TRIO: variants seen among roughly 807,000 people sequenced by gnomAD.
The protein encoded by TRIO is trio Rho guanine nucleotide exchange factor, also known as triple functional domain protein.
TRIO carries 58 observed loss-of-function variants against 351.9 expected under a neutral mutation model. That is an observed-to-expected ratio of 0.16 (90% CI 0.13 to 0.21). TRIO has a LOEUF of 0.21. Ranked by LOEUF, TRIO falls within the 10% of genes least tolerant of loss-of-function variation. The pLI is 1.00. For missense variants in TRIO, 3,201 were observed against 4,027.8 expected (o/e 0.79, Z 5.56); for synonymous variants, 1,758 against 1,595.7 (o/e 1.10, Z -2.42).
chr5:14,307,854 A>G (rs937087345), intron 8 of TRIO, among the ~76,000 whole-genome samples: 2 of 152,184 alleles, frequency 1.3e-5, no homozygotes, highest in Non-Finnish European at 2.9e-5. Flanking sequence ...TACCATAAGA[A>G]TGAGCTGTAT....
intron 1 of TRIO, among the ~76,000 whole-genome samples, chr5:14,210,866 C>T (rs1052201483): frequency 6.6e-5 from 10 of 152,014 alleles, no homozygotes; most frequent in Admixed American, 2.6e-4. Context: ...AAAGTCCATC[C>T]GTCCTTATCT....
chr5:14,440,630 T>C (rs1318720422), intron 34 of TRIO, among the ~76,000 whole-genome samples: 8 of 152,230 alleles, frequency 5.3e-5, no homozygotes, highest in Admixed American at 5.2e-4. Context: ...TGAAGATATG[T>C]TTTTAATAAG....
intron 40 of TRIO, 32 bp downstream of exon 40, chr5:14,474,129 G>A: frequency 6.3e-7 from 1 of 1,589,980 alleles, no homozygotes; most frequent in Non-Finnish European, 8.6e-7. Context: ...CCGATGGTGT[G>A]CAAAGCAGCC....
intron 8 of TRIO, among the ~76,000 whole-genome samples, chr5:14,304,920 A>G (rs1005565206): frequency 1.3e-5 from 2 of 152,192 alleles, no homozygotes; most frequent in African/African-American, 2.4e-5. Context: ...GTCAAACTCA[A>G]TTTAATCTTC....
intron 33 of TRIO, among the ~76,000 whole-genome samples, chr5:14,411,225 C>T (rs1293248792): frequency 6.6e-6 from 1 of 152,198 alleles, no homozygotes. Flanking sequence ...GAATTTGGAG[C>T]TCAGTATTTT....
intron 34 of TRIO, chr5:14,420,237 T>C (rs1255156976): frequency 1.5e-6 from 1 of 658,842 alleles, no homozygotes; most frequent in African/African-American, 1.8e-5. Flanking sequence ...AGTGATCTCC[T>C]CACTTCCAGG....
At chr5:14,464,098 G>T (rs375080363) in intron 36 of TRIO, among the ~76,000 whole-genome samples, 1 of 152,036 alleles carries the variant, frequency 6.6e-6, no homozygotes, top group African/African-American at 2.4e-5. Context: ...GGAACAGGGA[G>T]CCTGAGGTGA....
Position 14,455,250 on chromosome 5 carries a change from A to T in TRIO, c.5204-5769A>T, listed in dbSNP as rs546174137. 1.4e-4 allele frequency among the ~76,000 whole-genome samples: 21 copies of T among 152,152 alleles called. No homozygotes were observed. In the South Asian group the frequency reaches 3.9e-3, roughly 29 times the overall value. ...CCACCCACATCCTGCTGATTGGTCC[A>T]TTTTGCAGAGAGCCGATTCGCCGAT... On this transcript the variant is annotated intron_variant, in intron 34 of 56. Coordinates refer to ENST00000344204, the MANE Select transcript of TRIO (RefSeq NM_007118.4).
In TRIO at chr5:14,363,729, C is replaced by CAA; in HGVS notation, c.2392-2_2392-1insAA. On this transcript the variant is annotated splice_polypyrimidine_tract_variant and splice_region_variant and intron_variant, in intron 13 of 56. Coordinates refer to ENST00000344204, the MANE Select transcript of TRIO (RefSeq NM_007118.4). ...TGTCTTGATCTTAAATACCTTCTTT[C>CAA]AGATTATCTCAGACCTCGAGTCTTG... 6.2e-7 allele frequency: 1 copy of CAA among 1,610,190 alleles called. No individual in the cohort carries two copies. The highest frequency in any genetic ancestry group is 8.5e-7 in the Non-Finnish European group (1 of 1,177,246).
At chr5:14,359,644 C>G in intron 13 of TRIO, 113 bp downstream of exon 13, 1 of 1,272,370 alleles carries the variant, frequency 7.9e-7, no homozygotes, top group Non-Finnish European at 1.1e-6. Context: ...CACCCACACC[C>G]CAACCCTCTG....
intron 1 of TRIO, among the ~76,000 whole-genome samples, chr5:14,184,529 G>T (rs565898360): frequency 6.6e-6 from 1 of 152,330 alleles, no homozygotes; most frequent in Non-Finnish European, 1.5e-5. Context: ...CTTTATATTA[G>T]CCTCTAGTGT....
chr5:14,423,041 C>T (rs748295768), intron 34 of TRIO, among the ~76,000 whole-genome samples: 4 of 152,224 alleles, frequency 2.6e-5, no homozygotes, highest in East Asian at 1.9e-4. Flanking sequence ...GGCCAGCCTT[C>T]GTGTCTGATG....
At chr5:14,458,110 C>T (rs536886987) in intron 34 of TRIO, among the ~76,000 whole-genome samples, 6 of 151,418 alleles carry the variant, frequency 4.0e-5, no homozygotes, top group Non-Finnish European at 8.8e-5. Flanking sequence ...CACCTCACCA[C>T]ATCTCAGGCA....
intron 31 of TRIO, 56 bp from the exon 32 acceptor site, chr5:14,405,792 G>C: frequency 3.2e-6 from 5 of 1,541,240 alleles, no homozygotes; most frequent in South Asian, 2.5e-5. Flanking sequence ...GTGTGGTTAG[G>C]GCAAGGTCTG....
chr5:14,155,781 G>A (rs906626839), intron 1 of TRIO, among the ~76,000 whole-genome samples: 1 of 152,136 alleles, frequency 6.6e-6, no homozygotes, highest in Non-Finnish European at 1.5e-5. Context: ...TGGTTCAGGT[G>A]ATGACTTGCA....
chr5:14,357,107 G>T (rs756031766), intron 11 of TRIO, among the ~76,000 whole-genome samples: 3 of 152,224 alleles, frequency 2.0e-5, no homozygotes, highest in Non-Finnish European at 2.9e-5. Context: ...CAGTAAAGCC[G>T]TTTTGTAAAA....
At chr5:14,272,312 C>A (rs1796022329) in intron 2 of TRIO, among the ~76,000 whole-genome samples, 1 of 152,162 alleles carries the variant, frequency 6.6e-6, no homozygotes, top group South Asian at 2.1e-4. Context: ...CACCTGCTCC[C>A]CCAACCCCTC....
chr5:14,277,868 C>G (rs925933572), intron 2 of TRIO, among the ~76,000 whole-genome samples: 1 of 152,192 alleles, frequency 6.6e-6, no homozygotes, highest in Non-Finnish European at 1.5e-5. Context: ...GAGGAGGAGT[C>G]AGCAGAAAGT....
intron 34 of TRIO, among the ~76,000 whole-genome samples, chr5:14,452,010 T>C (rs1038641204): frequency 6.6e-6 from 1 of 152,284 alleles, no homozygotes; most frequent in Non-Finnish European, 1.5e-5. Context: ...ACTCTCCTGC[T>C]GTTGAGCAGG....
Sources: allele counts gnomAD v4.1 joint callset (sites outside exome capture counted in the v4.1 genomes callset), GRCh38; gene constraint gnomAD v4.1.1; transcripts MANE v1.5; gene names NCBI Gene and HGNC (gene_info 2026-07-23, HGNC 2026-07-21).